The following PTPRD variants were observed in gnomAD, a reference collection of about 807,000 sequenced individuals.
PTPRD encodes receptor-type tyrosine-protein phosphatase delta.
PTPRD carries 34 observed loss-of-function variants against 214.5 expected under a neutral mutation model. That is an observed-to-expected ratio of 0.16 (90% CI 0.12 to 0.21). The LOEUF (loss-of-function observed/expected upper bound fraction) is 0.21. Among genes scored for constraint, PTPRD ranks in the 10% least tolerant of loss-of-function variants. The probability of loss-of-function intolerance (pLI) is 1.00; values close to 1 mark genes in which losing one functional copy is unlikely to be tolerated. For missense variants in PTPRD, 2,545 were observed against 2,398.7 expected (o/e 1.06, Z -1.27); for synonymous variants, 1,128 against 845.7 (o/e 1.33, Z -5.79).
At chr9:8,872,419 T>C (rs982959722) in intron 11 of PTPRD, among the ~76,000 whole-genome samples, 1 of 152,230 alleles carries the variant, frequency 6.6e-6, no homozygotes, top group Non-Finnish European at 1.5e-5. Flanking sequence ...GAGTATTTTT[T>C]TGTTAACAAT....
chr9:8,765,477 C>T (rs62528806), intron 11 of PTPRD, among the ~76,000 whole-genome samples: 16,285 of 152,170 alleles, frequency 0.11, 970 homozygotes, highest in Non-Finnish European at 0.13. Flanking sequence ...AAAACCAATC[C>T]CTGCCAGCAA....
intron 5 of PTPRD, among the ~76,000 whole-genome samples, chr9:9,892,347 C>G (rs2073629562): frequency 1.3e-5 from 2 of 152,058 alleles, no homozygotes; most frequent in South Asian, 4.1e-4. Flanking sequence ...GAAGAGCAAT[C>G]CATGCCTGGC....
intron 7 of PTPRD, among the ~76,000 whole-genome samples, chr9:9,634,705 AATC>A (rs2095700087): frequency 1.3e-5 from 2 of 152,178 alleles, no homozygotes; most frequent in Non-Finnish European, 2.9e-5. Flanking sequence ...AAAGCTCAAA[AATC>A]ATGATATCTT....
chr9:10,486,674 G>C (rs374636121), intron 2 of PTPRD, among the ~76,000 whole-genome samples: 5 of 152,144 alleles, frequency 3.3e-5, no homozygotes, highest in African/African-American at 1.2e-4. Flanking sequence ...GAAGATGCCT[G>C]ATATTATTTC....
intron 11 of PTPRD, among the ~76,000 whole-genome samples, chr9:8,925,163 C>G (rs2098864402): frequency 6.6e-6 from 1 of 152,028 alleles, no homozygotes; most frequent in South Asian, 2.1e-4. Flanking sequence ...TAATCTACTC[C>G]CTGACTCTAA....
At chr9:10,465,054 T>C (rs188270396) in intron 2 of PTPRD, among the ~76,000 whole-genome samples, 1 of 152,254 alleles carries the variant, frequency 6.6e-6, no homozygotes, top group Non-Finnish European at 1.5e-5. Context: ...CAAATAAAAA[T>C]ATGTGTTATA....
intron 9 of PTPRD, among the ~76,000 whole-genome samples, chr9:9,192,914 G>A (rs2099936125): frequency 6.6e-6 from 1 of 152,068 alleles, no homozygotes; most frequent in South Asian, 2.1e-4. Context: ...GAGAAGAGAA[G>A]CTGATAAGGT....
intron 37 of PTPRD, among the ~76,000 whole-genome samples, chr9:8,380,349 C>G: frequency 6.6e-6 from 1 of 152,046 alleles, no homozygotes; most frequent in South Asian, 2.1e-4. Context: ...TCTATGTGGG[C>G]CCCAATGTCT....
At chr9:10,127,994 A>T (rs2098832353) in intron 3 of PTPRD, among the ~76,000 whole-genome samples, 1 of 152,232 alleles carries the variant, frequency 6.6e-6, no homozygotes, top group South Asian at 2.1e-4. Flanking sequence ...CTTCTGTTTG[A>T]CATCATGTTT....
At chr9:9,026,815 T>G (rs178938) in intron 10 of PTPRD, among the ~76,000 whole-genome samples, 1 of 151,496 alleles carries the variant, frequency 6.6e-6, no homozygotes, top group Non-Finnish European at 1.5e-5. Context: ...GCTTTCTCAT[T>G]CTCTACCGAC....
intron 2 of PTPRD, among the ~76,000 whole-genome samples, chr9:10,374,631 C>T (rs2097692863): frequency 1.3e-5 from 2 of 151,958 alleles, no homozygotes. Flanking sequence ...TGTCCTCTCC[C>T]TTCATTTTAA....
chr9:9,055,511 A>G (rs1020403987), intron 10 of PTPRD, among the ~76,000 whole-genome samples: 1 of 152,160 alleles, frequency 6.6e-6, no homozygotes, highest in Non-Finnish European at 1.5e-5. Context: ...ATATCCCAGC[A>G]CTATGGCCCA....
intron 11 of PTPRD, chr9:8,861,472 G>A (rs756072247): frequency 1.3e-5 from 2 of 151,742 alleles, no homozygotes; most frequent in Non-Finnish European, 2.9e-5. Context: ...TTTTGATCAT[G>A]TGGCTAGTGA....
chr9:8,436,344 TAAA>T lies in PTPRD; in HGVS notation c.4086+245_4086+247del, dbSNP rs111280210. ...TTGCCAATTAAAAATAAAATAAAAATAAAAAACAGAAAATTCATAATCTCAGCA... is the reference window on the plus strand; with the variant it reads ...TTGCCAATTAAAAATAAAATAAAAATAAACAGAAAATTCATAATCTCAGCA... On this transcript the variant is annotated intron_variant, in intron 35 of 45. Transcript: ENST00000381196. 6.6e-3 allele frequency among the ~76,000 whole-genome samples: 995 copies of T among 151,732 alleles called. 12 individuals carry two copies. Among genetic ancestry groups the T allele is most frequent in the African/African-American group, 0.023 (949 of 41,400 alleles).
intron 2 of PTPRD, among the ~76,000 whole-genome samples, chr9:10,488,219 T>G (rs1356792670): frequency 6.6e-6 from 1 of 151,696 alleles, no homozygotes; most frequent in Non-Finnish European, 1.5e-5. Flanking sequence ...TACAAAAAAT[T>G]AGCTGGGCGC....
At chr9:8,606,837 T>C (rs1008194757) in intron 14 of PTPRD, among the ~76,000 whole-genome samples, 2 of 152,250 alleles carry the variant, frequency 1.3e-5, no homozygotes, top group Non-Finnish European at 2.9e-5. Flanking sequence ...CAAAGCACAT[T>C]GCTTAAATTA....
At chr9:8,550,033 A>C (rs1259492074) in intron 14 of PTPRD, among the ~76,000 whole-genome samples, 5 of 152,184 alleles carry the variant, frequency 3.3e-5, no homozygotes, top group Non-Finnish European at 5.9e-5. Context: ...ACCAAGCTCA[A>C]AGCAAAAGCC....
At chr9:8,968,539 C>T (rs2099214872) in intron 11 of PTPRD, among the ~76,000 whole-genome samples, 1 of 152,078 alleles carries the variant, frequency 6.6e-6, no homozygotes. Flanking sequence ...GTCAGGCAGG[C>T]ACTTTTCTCA....
At chr9:10,098,354 G>A (rs1243244280) in intron 3 of PTPRD, among the ~76,000 whole-genome samples, 2 of 131,848 alleles carry the variant, frequency 1.5e-5, no homozygotes, top group African/African-American at 5.5e-5. Context: ...GGGGTTGGGG[G>A]AGGGGGGAGG....
Sources: gnomAD v4.1 joint callset for allele counts (sites outside exome capture counted in the v4.1 genomes callset) on GRCh38, gnomAD v4.1.1 for gene constraint, MANE v1.5 for transcripts, NCBI Gene and HGNC (gene_info 2026-07-23, HGNC 2026-07-21) for gene names.